The following GADD45G variants were observed in gnomAD, a reference collection of about 807,000 sequenced individuals.
The protein encoded by GADD45G is growth arrest and DNA damage-inducible protein GADD45 gamma.
Under a neutral mutation model 17.3 loss-of-function variants are expected in GADD45G, and 7 were observed. That is an observed-to-expected ratio of 0.41 (90% CI 0.23 to 0.76). GADD45G has a LOEUF of 0.76. Among genes scored for constraint, GADD45G ranks in the 30% least tolerant of loss-of-function variants. The pLI is 0.34. For missense variants in GADD45G, 149 were observed against 219.2 expected, an observed-to-expected ratio of 0.68 and a Z score of 2.02; for synonymous variants, 93 against 94.9, an observed-to-expected ratio of 0.98 and a Z score of 0.12.
At position 89,605,452 on chromosome 9, in the gene GADD45G, C is replaced by T. The variant is rs746135313; in HGVS notation, c.74C>T (p.Ala25Val). 1.9e-6 allele frequency: 3 copies of T among 1,557,194 alleles called. No individual in the cohort carries two copies. The highest frequency in any genetic ancestry group is 1.9e-5 in the Admixed American group (1 of 52,452). Residue 25 changes from alanine (A) to valine (V), a missense_variant, in exon 2 of 4, where the codon GCG becomes GTG. Ala to Val is a moderately conservative substitution (Grantham distance 64, BLOSUM62 0). Coordinates refer to ENST00000252506, the MANE Select transcript of GADD45G (RefSeq NM_006705.4). ...STARMQGAGK[A>V]LHELLLSAQR... The stretch of plus-strand genomic sequence containing the variant: ...CGCAGGATGCAGGGTGCCGGGAAAG[C>T]GCTGCATGAGTTGCTGCTGTCGGCG...
Position 89,606,293 on chromosome 9 carries a change from T to C in GADD45G, c.*214T>C. 1 of 586,460 alleles carries C rather than the reference T, an allele frequency of 1.7e-6. No individual in the cohort carries two copies. Among genetic ancestry groups the C allele is most frequent in the Non-Finnish European group, 3.0e-6 (1 of 327,886 alleles). The allele number at this position is 586,460 out of a possible 1,614,324, so 36.3% of individuals were successfully genotyped here. A position where few individuals can be genotyped will look rare whatever the true frequency, so the allele number is the denominator to read the frequency against. ...TGGTCCGAGCTGAGGACTCTGCAAG[T>C]GTCTGGAGCGGCTGCTCGCCCAGGA... is the stretch of plus-strand genomic sequence containing the variant. On this transcript the variant is annotated 3_prime_UTR_variant, in exon 4 of 4. Transcript: ENST00000252506.
At position 89,606,343 on chromosome 9, in the gene GADD45G, C is replaced by CG. The variant is rs1827526636; in HGVS notation, c.*264_*265insG. ...AAGGCCTAGGCTAGGACGTTGGCCT[C>CG]AGGGCCAGGAAGGACAGACTGGCCG... On this transcript the variant is annotated 3_prime_UTR_variant, in exon 4 of 4. Transcript: ENST00000252506. 1.3e-5 allele frequency: 7 copies of CG among 527,726 alleles called. No homozygotes were observed. Among genetic ancestry groups the CG allele is most frequent in the Non-Finnish European group, 2.4e-5 (7 of 293,674 alleles). 32.7% of individuals were successfully genotyped at this position (527,726 alleles called of 1,614,324 possible). A position where few individuals can be genotyped will look rare whatever the true frequency, so the allele number is the denominator to read the frequency against.
intron 1 of GADD45G, 84 bp from the exon 2 acceptor site, chr9:89,605,348 C>A: frequency 1.7e-6 from 2 of 1,156,716 alleles, no homozygotes; most frequent in South Asian, 1.3e-5. Context: ...GTTGGGGAGC[C>A]AAGGGTGTGT....
In GADD45G at chr9:89,605,833, G is replaced by A; in HGVS notation, c.322G>A (p.Gly108Ser). The part of the protein sequence containing the change: ...VQRLAAIVGA[G>S]EEAGAPGDLH... ...GCGGCTGGCGGCTATCGTGGGCGCC[G>A]GCGAGGAGGCGGGTGCGCCGGGCGA... Residue 108 changes from glycine (G) to serine (S), a missense_variant, in exon 3 of 4, where the codon GGC becomes AGC. This residue lies in a region of GADD45G where 73 missense variants were observed against 84.3 expected (regional missense o/e 0.87). Transcript: ENST00000252506. 6.2e-7 allele frequency: 1 copy of A among 1,613,116 alleles called. No homozygotes were observed. The highest frequency in any genetic ancestry group is 8.5e-7 in the Non-Finnish European group (1 of 1,179,704).
rs759075859 is a variant in GADD45G, at chr9:89,605,400, G to C, written c.54-32G>C. 3 of 1,498,372 alleles carry C rather than the reference G, an allele frequency of 2.0e-6. No individual in the cohort carries two copies. In the South Asian group the frequency reaches 3.6e-5, roughly 18 times the overall value. 92.8% of individuals were successfully genotyped at this position (1,498,372 alleles called of 1,614,324 possible). A position where few individuals can be genotyped will look rare whatever the true frequency, so the allele number is the denominator to read the frequency against. On this transcript the variant is annotated intron_variant, in intron 1 of 3. Transcript: ENST00000252506. Reference sequence around the variant, plus strand: ...GGGGTCTCCGCCGCGCCCTCCGGCCGGCTCCCGCTCACTGCGCTGGCTCCT... The same window carrying C: ...GGGGTCTCCGCCGCGCCCTCCGGCCCGCTCCCGCTCACTGCGCTGGCTCCT...
chr9:89,605,688 C>T lies in GADD45G; in HGVS notation c.177C>T (p.Phe59=), dbSNP rs533175423. The T allele has an allele frequency of 2.7e-5, 43 of 1,614,072 alleles. No individual in the cohort carries two copies. The South Asian group carries it at 4.7e-4, about 18-fold the overall frequency. The stretch of plus-strand genomic sequence containing the variant: ...GCAGGGACCCCGACAATGTGACCTT[C>T]TGTGTGCTGGCTGCGGGTGAGGAGG... ...VLNVDPDNVT[F]CVLAAGEEDE... The change falls in exon 3 of 4, where the codon TTC becomes TTT. Residue 59 remains phenylalanine, a synonymous_variant. Coordinates refer to ENST00000252506, the MANE Select transcript of GADD45G (RefSeq NM_006705.4).
In GADD45G at chr9:89,605,056, G is replaced by C. The variant is rs921876522; in HGVS notation, c.-66G>C. The C allele has an allele frequency of 7.8e-6, 10 of 1,278,028 alleles. No homozygotes were observed. The highest frequency in any genetic ancestry group is 5.7e-5 in the Admixed American group (3 of 52,930). The allele number at this position is 1,278,028 out of a possible 1,614,324, so 79.2% of individuals were successfully genotyped here. On this transcript the variant is annotated 5_prime_UTR_variant, in exon 1 of 4. Coordinates refer to ENST00000252506, the MANE Select transcript of GADD45G (RefSeq NM_006705.4). ...GCGCCGTGCTGAGCTCTGGCTGTCA[G>C]TGTGTTCGCCCGCGTCCCCTCCGCG...
chr9:89,606,504 A>C lies in GADD45G; in HGVS notation c.*425A>C. On this transcript the variant is annotated 3_prime_UTR_variant, in exon 4 of 4. Coordinates refer to ENST00000252506, the MANE Select transcript of GADD45G (RefSeq NM_006705.4). Reference sequence around the variant, plus strand: ...GATCCGGGCAATGCTTCGTTTTCTAAAGGATGCTGCTGTTGAAGCTTTGAA... The same window carrying C: ...GATCCGGGCAATGCTTCGTTTTCTACAGGATGCTGCTGTTGAAGCTTTGAA... 4.9e-6 allele frequency: 1 copy of C among 203,198 alleles called. No individual in the cohort carries two copies. The allele number at this position is 203,198 out of a possible 1,614,324, so 12.6% of individuals were successfully genotyped here. A position where few individuals can be genotyped will look rare whatever the true frequency, so the allele number is the denominator to read the frequency against.
Position 89,605,871 on chromosome 9 carries a change from C to T in GADD45G, c.360C>T (p.Ile120=), listed in dbSNP as rs752722256. 2 of 1,610,572 alleles carry T rather than the reference C, an allele frequency of 1.2e-6. No homozygotes were observed. Among genetic ancestry groups the T allele is most frequent in the Admixed American group, 1.7e-5 (1 of 59,684 alleles). Residue 120 remains isoleucine, a synonymous_variant, in exon 3 of 4, where the codon ATC becomes ATT. Transcript: ENST00000252506. ...EAGAPGDLHC[I]LISNPNEDAW... Reference sequence around the variant, plus strand: ...GTGCGCCGGGCGACCTGCACTGCATCCTCATTTCGGTGAGTACAGTCCCGT... The same window carrying T: ...GTGCGCCGGGCGACCTGCACTGCATTCTCATTTCGGTGAGTACAGTCCCGT...
At chr9:89,605,609 G>C in intron 2 of GADD45G, 58 bp from the exon 3 acceptor site, 1 of 1,566,042 alleles carries the variant, frequency 6.4e-7, no homozygotes, top group Non-Finnish European at 8.7e-7. Flanking sequence ...TGGGAGGGGT[G>C]GCGGCGGGAG....
intron 1 of GADD45G, 97 bp downstream of exon 1, chr9:89,605,271 C>A: frequency 1.6e-6 from 2 of 1,233,262 alleles, no homozygotes; most frequent in South Asian, 1.2e-5. Context: ...GCGCGGGGGT[C>A]CGGGCGCCAG....
rs556750242 is a variant in GADD45G, at chr9:89,606,178, G to T, written c.*99G>T. 1.5e-5 allele frequency: 13 copies of T among 879,570 alleles called. No individual in the cohort carries two copies. The African/African-American group carries it at 2.2e-4, about 15-fold the overall frequency. The allele number at this position is 879,570 out of a possible 1,614,324, so 54.5% of individuals were successfully genotyped here. A position where few individuals can be genotyped will look rare whatever the true frequency, so the allele number is the denominator to read the frequency against. On this transcript the variant is annotated 3_prime_UTR_variant, in exon 4 of 4. Coordinates refer to ENST00000252506, the MANE Select transcript of GADD45G (RefSeq NM_006705.4). ...AGGGGCCCTCCGAGGGTGCCCGAGT[G>T]CGGCGTGGAGACTGGCAGGCGGGGG...
chr9:89,606,311 G>A lies in GADD45G; in HGVS notation c.*232G>A. 9 of 573,240 alleles carry A rather than the reference G, an allele frequency of 1.6e-5. No individual in the cohort carries two copies. The highest frequency in any genetic ancestry group is 2.8e-5 in the Non-Finnish European group (9 of 319,962). 35.5% of individuals were successfully genotyped at this position (573,240 alleles called of 1,614,324 possible). Reference sequence around the variant, plus strand: ...CTGCAAGTGTCTGGAGCGGCTGCTCGCCCAGGAAGGCCTAGGCTAGGACGT... The same window carrying A: ...CTGCAAGTGTCTGGAGCGGCTGCTCACCCAGGAAGGCCTAGGCTAGGACGT... On this transcript the variant is annotated 3_prime_UTR_variant, in exon 4 of 4. Coordinates refer to ENST00000252506, the MANE Select transcript of GADD45G (RefSeq NM_006705.4).
chr9:89,605,922 C>G (rs1022268331), intron 3 of GADD45G, 42 bp downstream of exon 3: 15 of 1,587,114 alleles, frequency 9.5e-6, no homozygotes, highest in Non-Finnish European at 1.3e-5. Flanking sequence ...GTGTCGTTCC[C>G]GCCTCGGCCC....
At chr9:89,605,394 C>T (rs766068213) in intron 1 of GADD45G, 38 bp from the exon 2 acceptor site, 6 of 1,475,596 alleles carry the variant, frequency 4.1e-6, no homozygotes, top group East Asian at 2.5e-5. Flanking sequence ...GCCGCGCCCT[C>T]CGGCCGGCTC....
rs1588253094 is a variant in GADD45G at position 89,605,050 on chromosome 9, C to A, written c.-72C>A. On this transcript the variant is annotated 5_prime_UTR_variant, in exon 1 of 4. The change creates a new upstream start codon in the 5' untranslated region. Transcript: ENST00000252506. ...GTGGGCGCGCCGTGCTGAGCTCTGG[C>A]TGTCAGTGTGTTCGCCCGCGTCCCC... 1 of 1,206,352 alleles carries A rather than the reference C, an allele frequency of 8.3e-7. No individual in the cohort carries two copies. The highest frequency in any genetic ancestry group is 1.2e-6 in the Non-Finnish European group (1 of 826,144). The allele number at this position is 1,206,352 out of a possible 1,614,324, so 74.7% of individuals were successfully genotyped here.
chr9:89,606,198 C>CG lies in GADD45G; in HGVS notation c.*127dup, dbSNP rs5031029. On this transcript the variant is annotated 3_prime_UTR_variant, in exon 4 of 4. Coordinates refer to ENST00000252506, the MANE Select transcript of GADD45G (RefSeq NM_006705.4). ...CGAGTGCGGCGTGGAGACTGGCAGG[C>CG]GGGGGGGGCGCCTGGAGAGCGAGGA... The CG allele has an allele frequency of 5.9e-3, 4,336 of 732,288 alleles. 56 individuals are homozygous for CG. The highest frequency in any genetic ancestry group is 0.041 in the African/African-American group (2,320 of 56,320). The allele number at this position is 732,288 out of a possible 1,614,324, so 45.4% of individuals were successfully genotyped here. A position where few individuals can be genotyped will look rare whatever the true frequency, so the allele number is the denominator to read the frequency against.
rs774186008 is a variant in GADD45G at position 89,605,657 on chromosome 9, G to A, written c.156-10G>A. The A allele has an allele frequency of 1.2e-6, 2 of 1,610,648 alleles. No individual in the cohort carries two copies. Among genetic ancestry groups the A allele is most frequent in the East Asian group, 2.2e-5 (1 of 44,890 alleles). ...CGGTTCTGACCTAGGTCCCCGCCTT[G>A]CCCTCGCAGGGACCCCGACAATGTG... is the stretch of plus-strand genomic sequence containing the variant. On this transcript the variant is annotated splice_polypyrimidine_tract_variant and intron_variant, in intron 2 of 3. Coordinates refer to ENST00000252506, the MANE Select transcript of GADD45G (RefSeq NM_006705.4).
Position 89,605,889 on chromosome 9 carries a change from A to G in GADD45G, c.369+9A>G. 6.2e-7 allele frequency: 1 copy of G among 1,602,662 alleles called. No individual in the cohort carries two copies. The highest frequency in any genetic ancestry group is 1.1e-5 in the South Asian group (1 of 90,094). On this transcript the variant is annotated intron_variant, in intron 3 of 3. Coordinates refer to ENST00000252506, the MANE Select transcript of GADD45G (RefSeq NM_006705.4). ...ACTGCATCCTCATTTCGGTGAGTAC[A>G]GTCCCGTCCTGTCCCCGCCCCAGTG... is the stretch of plus-strand genomic sequence containing the variant.
Sources: gnomAD v4.1 joint callset for allele counts on GRCh38, gnomAD v4.1.1 for gene constraint, gnomAD v4.1.1 regional missense constraint, MANE v1.5 for transcripts, NCBI Gene and HGNC (gene_info 2026-07-23, HGNC 2026-07-21) for gene names.